TAFA1: variants seen among roughly 807,000 people sequenced by gnomAD.
The protein encoded by TAFA1 is chemokine-like protein TAFA-1.
Under a neutral mutation model 18.5 loss-of-function variants are expected in TAFA1, and 4 were observed. That is an observed-to-expected ratio of 0.22 (90% CI 0.11 to 0.49). The LOEUF is 0.49. Among genes scored for constraint, TAFA1 ranks in the 20% least tolerant of loss-of-function variants. The pLI is 0.98. For synonymous variants in TAFA1, 56 were observed against 55.2 expected, an observed-to-expected ratio of 1.01 and a Z score of -0.06; for missense variants, 147 against 169.0, an observed-to-expected ratio of 0.87 and a Z score of 0.72.
chr3:68,298,752 G>A (rs1261977195), intron 2 of TAFA1, among the ~76,000 whole-genome samples: 2 of 152,134 alleles, frequency 1.3e-5, no homozygotes, highest in African/African-American at 4.8e-5. Flanking sequence ...CTTCCCCTTT[G>A]CCTTCCACCA....
At chr3:68,499,446 CTT>C (rs752597708) in intron 3 of TAFA1, among the ~76,000 whole-genome samples, 33 of 112,170 alleles carry the variant, frequency 2.9e-4, no homozygotes, top group African/African-American at 9.9e-4. Flanking sequence ...GTGTTCCTTT[CTT>C]TTTTTTTTTT....
intron 2 of TAFA1, among the ~76,000 whole-genome samples, chr3:68,169,002 G>A (rs942918796): frequency 1.3e-5 from 2 of 152,098 alleles, no homozygotes; most frequent in Non-Finnish European, 2.9e-5. Flanking sequence ...ATTCTTTAAG[G>A]AATGGTCATA....
At position 68,417,419 on chromosome 3, in the gene TAFA1, T is replaced by C. The variant is rs2070861014; in HGVS notation, c.258T>C (p.Asp86=). ...CAAGAAACCGGCCTTCTTGCGTCGA[T>C]GGTAGGTACCTGGTTTTACCTCTTG... ...GTTRNRPSCV[D]ASIVIGKWWC... The change falls in exon 3 of 5, where the codon GAT becomes GAC. Residue 86 remains aspartate (D), a splice_region_variant and synonymous_variant. Transcript: ENST00000478136. 6.2e-7 allele frequency: 1 copy of C among 1,613,554 alleles called. No homozygotes were observed. Among genetic ancestry groups the C allele is most frequent in the Non-Finnish European group, 8.5e-7 (1 of 1,179,626 alleles).
At chr3:68,451,203 C>T (rs2071561704) in intron 3 of TAFA1, among the ~76,000 whole-genome samples, 1 of 152,172 alleles carries the variant, frequency 6.6e-6, no homozygotes, top group Non-Finnish European at 1.5e-5. Context: ...ATCTGACCAC[C>T]TCACTCATGC....
chr3:68,094,151 A>G (rs1282379170), intron 2 of TAFA1, among the ~76,000 whole-genome samples: 2 of 152,106 alleles, frequency 1.3e-5, no homozygotes, highest in Non-Finnish European at 2.9e-5. Context: ...TTTAAGATGA[A>G]TGAAAAATAT....
chr3:68,472,384 C>G (rs762179107), intron 3 of TAFA1, among the ~76,000 whole-genome samples: 2 of 152,030 alleles, frequency 1.3e-5, no homozygotes, highest in African/African-American at 2.4e-5. Context: ...TCAATTAAGC[C>G]TCTTTCCTTT....
chr3:68,203,493 G>A (rs1362355033), intron 2 of TAFA1, among the ~76,000 whole-genome samples: 1 of 151,678 alleles, frequency 6.6e-6, no homozygotes, highest in African/African-American at 2.4e-5. Context: ...CAGACATTAT[G>A]TACTGGGTAA....
intron 2 of TAFA1, among the ~76,000 whole-genome samples, chr3:68,148,614 C>G (rs558599531): frequency 6.6e-6 from 1 of 152,088 alleles, no homozygotes; most frequent in Non-Finnish European, 1.5e-5. Flanking sequence ...AGCTTCTCAG[C>G]GCTGTCTTTG....
At chr3:68,292,925 A>G (rs1223071337) in intron 2 of TAFA1, among the ~76,000 whole-genome samples, 3 of 152,134 alleles carry the variant, frequency 2.0e-5, no homozygotes, top group Admixed American at 2.0e-4. Flanking sequence ...ATTCTTATCC[A>G]CAGGTTAGAT....
At chr3:68,214,012 A>G (rs1487216200) in intron 2 of TAFA1, among the ~76,000 whole-genome samples, 1 of 152,112 alleles carries the variant, frequency 6.6e-6, no homozygotes, top group Non-Finnish European at 1.5e-5. Flanking sequence ...AATATTACCT[A>G]TGTATATATG....
chr3:68,440,806 T>C (rs886631976), intron 3 of TAFA1, among the ~76,000 whole-genome samples: 11 of 152,166 alleles, frequency 7.2e-5, no homozygotes, highest in Non-Finnish European at 1.3e-4. Context: ...ACTGATTTTA[T>C]CTTGATAATA....
intron 2 of TAFA1, among the ~76,000 whole-genome samples, chr3:68,195,499 G>A (rs2066399604): frequency 6.6e-6 from 1 of 151,042 alleles, no homozygotes; most frequent in South Asian, 2.1e-4. Context: ...CTAAACCAGG[G>A]GTAACTGCCC....
At chr3:68,066,762 G>A (rs1483846558) in intron 2 of TAFA1, among the ~76,000 whole-genome samples, 1 of 152,116 alleles carries the variant, frequency 6.6e-6, no homozygotes, top group Non-Finnish European at 1.5e-5. Context: ...GCATCAAGAG[G>A]CAACAAAAAG....
intron 3 of TAFA1, among the ~76,000 whole-genome samples, chr3:68,491,625 G>A (rs909519644): frequency 2.6e-5 from 4 of 151,882 alleles, no homozygotes; most frequent in African/African-American, 9.7e-5. Flanking sequence ...CACCAACATG[G>A]CACATGTATA....
intron 2 of TAFA1, among the ~76,000 whole-genome samples, chr3:68,338,078 T>C (rs1454077810): frequency 6.6e-6 from 1 of 152,196 alleles, no homozygotes; most frequent in Non-Finnish European, 1.5e-5. Context: ...AGTACAAGGT[T>C]GTGTTGAAAA....
chr3:68,380,388 T>C (rs1200149349), intron 2 of TAFA1, among the ~76,000 whole-genome samples: 1 of 152,196 alleles, frequency 6.6e-6, no homozygotes, highest in Non-Finnish European at 1.5e-5. Context: ...CCACCAACAG[T>C]GTAAAAGTGT....
chr3:68,251,530 G>A (rs528489524), intron 2 of TAFA1, among the ~76,000 whole-genome samples: 32 of 152,320 alleles, frequency 2.1e-4, no homozygotes, highest in Admixed American at 3.3e-4. Flanking sequence ...TTCAGTGGAG[G>A]AGAAAGACAA....
intron 3 of TAFA1, among the ~76,000 whole-genome samples, chr3:68,476,184 T>C (rs1479691671): frequency 6.6e-6 from 1 of 152,172 alleles, no homozygotes; most frequent in East Asian, 1.9e-4. Context: ...CTAATTAAAC[T>C]AAAGAGCTTC....
intron 2 of TAFA1, among the ~76,000 whole-genome samples, chr3:68,257,205 G>C (rs1263300567): frequency 6.6e-6 from 1 of 151,970 alleles, no homozygotes; most frequent in Non-Finnish European, 1.5e-5. Context: ...TCATCCCTTA[G>C]ATCTCAGCTA....
Sources: allele counts gnomAD v4.1 joint callset (sites outside exome capture counted in the v4.1 genomes callset), GRCh38; gene constraint gnomAD v4.1.1; transcripts MANE v1.5; gene names NCBI Gene and HGNC (gene_info 2026-07-23, HGNC 2026-07-21).